PDXDC1: variants seen among roughly 807,000 people sequenced by gnomAD.
PDXDC1 encodes the protein pyridoxal dependent decarboxylase domain containing 1.
Under a neutral mutation model 100.1 loss-of-function variants are expected in PDXDC1, and 42 were observed. The ratio of observed to expected loss-of-function variants is 0.42; its 90% CI spans 0.33 to 0.54. The LOEUF is 0.54. PDXDC1 is among the 20% of genes least tolerant of loss of function. The pLI is 0.10. For synonymous variants in PDXDC1, 260 were observed against 371.7 expected, an observed-to-expected ratio of 0.70 and a Z score of 3.46; for missense variants, 636 against 979.2, an observed-to-expected ratio of 0.65 and a Z score of 4.68.
rs1265757510 is a variant in PDXDC1, at chr16:15,030,062, C to G, written c.1399+6C>G. On this transcript the variant is annotated splice_donor_region_variant and intron_variant, in intron 16 of 22. Transcript: ENST00000396410. ...CCCTTTGATGACCGCAGCAGGTAAACCAGGCTTGGTGGACATCCCTTGCTT... is the reference window on the plus strand; with the variant it reads ...CCCTTTGATGACCGCAGCAGGTAAAGCAGGCTTGGTGGACATCCCTTGCTT... 1.9e-6 allele frequency: 3 copies of G among 1,552,340 alleles called. No individual in the cohort carries two copies. The South Asian group carries it at 3.6e-5, about 18-fold the overall frequency.
At chr16:15,126,181 C>G (rs1454855266) in intron 16 of PDXDC1, among the ~76,000 whole-genome samples, 1 of 151,596 alleles carries the variant, frequency 6.6e-6, no homozygotes, top group East Asian at 1.9e-4. Context: ...ATTACAGGTG[C>G]CTGCCACGAT....
At chr16:15,028,130 G>T (rs1297104200) in intron 14 of PDXDC1, among the ~76,000 whole-genome samples, 1 of 152,288 alleles carries the variant, frequency 6.6e-6, no homozygotes, top group African/African-American at 2.4e-5. Flanking sequence ...ATTCGCTTCT[G>T]CCTTCCCCCC....
chr16:14,979,408 G>A (rs1311400136), intron 1 of PDXDC1, among the ~76,000 whole-genome samples: 4 of 152,280 alleles, frequency 2.6e-5, no homozygotes, highest in Non-Finnish European at 5.9e-5. Context: ...TCCTGCCTCA[G>A]CCTCTCAAGT....
downstream of PDXDC1, among the ~76,000 whole-genome samples, chr16:15,140,495 G>A (rs527969028): frequency 8.6e-5 from 13 of 151,342 alleles, no homozygotes; most frequent in South Asian, 2.5e-3. Context: ...GAGAGGGAGG[G>A]AGGAAAGAAA....
At chr16:15,049,244 G>T (rs916645048) in intron 16 of PDXDC1, among the ~76,000 whole-genome samples, 1 of 152,106 alleles carries the variant, frequency 6.6e-6, no homozygotes, top group Non-Finnish European at 1.5e-5. Context: ...GCCCAGGCTG[G>T]TCTCAAACTC....
chr16:15,080,782 T>TA (rs2045664875), intron 16 of PDXDC1, among the ~76,000 whole-genome samples: 1 of 151,926 alleles, frequency 6.6e-6, no homozygotes, highest in African/African-American at 2.4e-5. Flanking sequence ...AGTGCACCCC[T>TA]AAAAAATGAA....
rs2046745308 is a variant in PDXDC1 at position 15,105,039 on chromosome 16, G to C, written c.1400-33840G>C. On this transcript the variant is annotated intron_variant, in intron 16 of 16. Transcript: ENST00000535621. Reference sequence around the variant, plus strand: ...CTGGGGTCCTGCCCCAGGGAAGACAGAGTCATAACAGAGTAATAAAGAAGC... The same window carrying C: ...CTGGGGTCCTGCCCCAGGGAAGACACAGTCATAACAGAGTAATAAAGAAGC... Among the ~76,000 whole-genome samples the C allele has an allele frequency of 2.1e-5, 3 of 144,176 alleles. No homozygotes were observed. In the South Asian group the frequency reaches 7.1e-4, roughly 34 times the overall value. 94.6% of individuals were successfully genotyped at this position (144,176 alleles called of 152,430 possible).
At chr16:15,073,957 G>A (rs1333591128) in intron 16 of PDXDC1, among the ~76,000 whole-genome samples, 4 of 152,070 alleles carry the variant, frequency 2.6e-5, no homozygotes, top group Non-Finnish European at 5.9e-5. Context: ...TCCATGTAAA[G>A]GGCAGATTAT....
chr16:14,979,835 A>G (rs1229367443), intron 1 of PDXDC1, among the ~76,000 whole-genome samples: 2 of 152,294 alleles, frequency 1.3e-5, no homozygotes, highest in Non-Finnish European at 2.9e-5. Context: ...GAGAATTTCT[A>G]TTCCTGCTCC....
intron 1 of PDXDC1, among the ~76,000 whole-genome samples, chr16:14,980,891 C>A (rs1171375555): frequency 1.3e-5 from 2 of 152,292 alleles, no homozygotes; most frequent in African/African-American, 4.8e-5. Context: ...TAAGCCACTG[C>A]ACCCGGCCTT....
At chr16:15,003,965 C>T (rs1435667920) in intron 4 of PDXDC1, among the ~76,000 whole-genome samples, 1 of 152,258 alleles carries the variant, frequency 6.6e-6, no homozygotes, top group Non-Finnish European at 1.5e-5. Flanking sequence ...GCTTGGGCAT[C>T]AAGAGGGAGA....
chr16:15,009,059 T>G (rs1357001789), intron 7 of PDXDC1, among the ~76,000 whole-genome samples: 9 of 152,254 alleles, frequency 5.9e-5, no homozygotes, highest in Non-Finnish European at 1.3e-4. Context: ...TTTTAAGGAG[T>G]CTTGTAATTA....
chr16:15,122,778 G>A (rs372541868), intron 16 of PDXDC1, among the ~76,000 whole-genome samples: 1 of 142,490 alleles, frequency 7.0e-6, no homozygotes. Flanking sequence ...CTTAGGGCAG[G>A]GGGGAGGGAA....
chr16:15,129,327 A>G (rs2047928734), intron 16 of PDXDC1, among the ~76,000 whole-genome samples: 1 of 151,404 alleles, frequency 6.6e-6, no homozygotes, highest in African/African-American at 2.4e-5. Context: ...ACTCCCAGCT[A>G]CTCAGGAGAA....
rs1292835318 is a variant in PDXDC1 at position 15,076,592 on chromosome 16, C to A, written c.1399+46536C>A. ...CAATCCTTCCGTGGAATCTGTCCCA[C>A]CACAAGTTTGAGTTGCTGTTTCTTC... On this transcript the variant is annotated intron_variant, in intron 16 of 16. Transcript: ENST00000535621. 2.9e-5 allele frequency: 47 copies of A among 1,613,248 alleles called. No homozygotes were observed. The highest frequency in any genetic ancestry group is 5.0e-5 in the Admixed American group (3 of 59,992).
chr16:15,104,331 A>G (rs895784831), intron 16 of PDXDC1: 11 of 1,562,286 alleles, frequency 7.0e-6, no homozygotes, highest in Non-Finnish European at 8.6e-6. Context: ...TTTTTATATT[A>G]TTTATTTATT....
chr16:15,133,020 T>C (rs996832543), intron 16 of PDXDC1: 20 of 1,249,402 alleles, frequency 1.6e-5, no homozygotes, highest in African/African-American at 7.4e-5. Flanking sequence ...TGTTTCTTCA[T>C]GGGCAAAACA....
At chr16:15,146,751 A>G in the PDXDC1 span, among the ~76,000 whole-genome samples, 1 of 152,056 alleles carries the variant, frequency 6.6e-6, no homozygotes, top group Admixed American at 6.5e-5. Context: ...CAGGTCTCAC[A>G]GTGCATGGAG....
downstream of PDXDC1, chr16:15,041,187 A>G: frequency 2.8e-6 from 3 of 1,073,456 alleles, no homozygotes; most frequent in Middle Eastern, 2.0e-4. Context: ...TTTACTTTGT[A>G]TAATAAAGGC....
Sources: allele counts gnomAD v4.1 joint callset (sites outside exome capture counted in the v4.1 genomes callset), GRCh38; gene constraint gnomAD v4.1.1; transcripts MANE v1.5; gene names NCBI Gene and HGNC (gene_info 2026-07-23, HGNC 2026-07-21).